ANKS1A: variants seen among roughly 807,000 people sequenced by gnomAD.
ANKS1A encodes the protein ankyrin repeat and SAM domain-containing protein 1A.
ANKS1A carries 55 observed loss-of-function variants against 120.3 expected under a neutral mutation model. That is an observed-to-expected ratio of 0.46 (90% CI 0.37 to 0.57). The LOEUF is 0.57. ANKS1A is among the 20% of genes least tolerant of loss of function. The probability of loss-of-function intolerance (pLI) is 0.00; values close to 1 mark genes in which losing one functional copy is unlikely to be tolerated. For synonymous variants in ANKS1A, 590 were observed against 604.7 expected, an observed-to-expected ratio of 0.98 and a Z score of 0.36; for missense variants, 1,123 against 1,480.3, an observed-to-expected ratio of 0.76 and a Z score of 3.96.
At chr6:34,979,966 AAG>A (rs1398388619) in intron 3 of ANKS1A, among the ~76,000 whole-genome samples, 1 of 152,240 alleles carries the variant, frequency 6.6e-6, no homozygotes, top group Non-Finnish European at 1.5e-5. Flanking sequence ...TGGGTTAAAA[AAG>A]AGAGAAATTG....
rs1275982693 is a variant in ANKS1A at position 35,050,393 on chromosome 6, T to C, written c.2011-3706T>C. Among the ~76,000 whole-genome samples, 1 of 152,192 alleles carries C rather than the reference T, an allele frequency of 6.6e-6. No individual in the cohort carries two copies. Among genetic ancestry groups the C allele is most frequent in the Non-Finnish European group, 1.5e-5 (1 of 68,034 alleles). Reference sequence around the variant, plus strand: ...GCCATTTCTCATCTCTCTCCAAAAATGTCACTCATCCAAAACCACAGAAAA... The same window carrying C: ...GCCATTTCTCATCTCTCTCCAAAAACGTCACTCATCCAAAACCACAGAAAA... On this transcript the variant is annotated intron_variant, in intron 11 of 23. Coordinates refer to ENST00000360359, the MANE Select transcript of ANKS1A (RefSeq NM_015245.3). This position sits in a 1 kb window ranked among gnomAD's most constrained non-coding sequence, Gnocchi z 4.3.
chr6:35,087,664 T>C (rs1424908915), intron 23 of ANKS1A, among the ~76,000 whole-genome samples: 1 of 152,228 alleles, frequency 6.6e-6, no homozygotes, highest in Non-Finnish European at 1.5e-5. Context: ...GCTAGGCCCT[T>C]GTGAGACCTT....
At chr6:35,016,764 C>CAAAAA (rs145185965) in intron 10 of ANKS1A, among the ~76,000 whole-genome samples, 1 of 131,712 alleles carries the variant, frequency 7.6e-6, no homozygotes, top group African/African-American at 3.3e-5. Context: ...TGCACATTCT[C>CAAAAA]AAAAAAAAAA....
intron 12 of ANKS1A, among the ~76,000 whole-genome samples, chr6:35,059,837 C>T (rs548284502): frequency 1.3e-5 from 2 of 152,264 alleles, no homozygotes; most frequent in Admixed American, 6.5e-5. Flanking sequence ...TGGCTTCCCC[C>T]ACCCCCGACC....
At chr6:34,891,096 A>G (rs1353030681) in intron 1 of ANKS1A, among the ~76,000 whole-genome samples, 1 of 152,218 alleles carries the variant, frequency 6.6e-6, no homozygotes, top group African/African-American at 2.4e-5. Context: ...GACATCATTT[A>G]GGGATGGAGT....
intron 1 of ANKS1A, among the ~76,000 whole-genome samples, chr6:34,945,987 T>A (rs861039): frequency 0.27 from 36,897 of 134,700 alleles, 6,656 homozygotes; most frequent in African/African-American, 0.53. Context: ...TTATTTATTT[T>A]TTTTTTTTTT....
At chr6:34,950,744 A>G (rs1770054304) in intron 1 of ANKS1A, among the ~76,000 whole-genome samples, 2 of 151,138 alleles carry the variant, frequency 1.3e-5, no homozygotes, top group East Asian at 3.9e-4. Flanking sequence ...TTAGACATCA[A>G]CAGTGGAGGA....
Position 35,050,675 on chromosome 6 carries a change from G to A in ANKS1A, c.2011-3424G>A, listed in dbSNP as rs1775923341. 6.6e-6 allele frequency among the ~76,000 whole-genome samples: 1 copy of A among 152,214 alleles called. No individual in the cohort carries two copies. The highest frequency in any genetic ancestry group is 6.5e-5 in the Admixed American group (1 of 15,286). On this transcript the variant is annotated intron_variant, in intron 11 of 23. Transcript: ENST00000360359. The surrounding 1 kb of genome is among the most constrained non-coding windows in gnomAD (Gnocchi z 4.3). Reference sequence around the variant, plus strand: ...AGTCTGAGGCAAGGAGAGAAGATGAGCTCCGGCTTCTCCCCATCTGCACAG... The same window carrying A: ...AGTCTGAGGCAAGGAGAGAAGATGAACTCCGGCTTCTCCCCATCTGCACAG...
At chr6:35,018,590 A>G (rs1450667231) in intron 11 of ANKS1A, among the ~76,000 whole-genome samples, 1 of 152,006 alleles carries the variant, frequency 6.6e-6, no homozygotes, top group Non-Finnish European at 1.5e-5. Flanking sequence ...GGTTTGTTAC[A>G]TGGGTATATT....
In ANKS1A at chr6:35,084,695, G is replaced by T. The variant is rs563506396; in HGVS notation, c.3132+437G>T. Among the ~76,000 whole-genome samples, 156 of 152,212 alleles carry T rather than the reference G, an allele frequency of 1.0e-3. No individual in the cohort carries two copies. Among genetic ancestry groups the T allele is most frequent in the African/African-American group, 3.0e-3 (125 of 41,536 alleles). On this transcript the variant is annotated intron_variant, in intron 21 of 23. Coordinates refer to ENST00000360359, the MANE Select transcript of ANKS1A (RefSeq NM_015245.3). This position sits in a 1 kb window ranked among gnomAD's most constrained non-coding sequence, Gnocchi z 4.8. ...TTGTTTCCCCCGGCTCCCTGCCCTAGGTCTCCAACCTCTGGCTGGGCCGCC... is the reference window on the plus strand; with the variant it reads ...TTGTTTCCCCCGGCTCCCTGCCCTATGTCTCCAACCTCTGGCTGGGCCGCC...
intron 10 of ANKS1A, among the ~76,000 whole-genome samples, chr6:34,998,419 A>G (rs1253377141): frequency 6.6e-6 from 1 of 152,134 alleles, no homozygotes; most frequent in African/African-American, 2.4e-5. Flanking sequence ...AAGAGAAGCA[A>G]AACTAAAGGC....
chr6:35,072,624 T>C (rs935321002), intron 13 of ANKS1A, among the ~76,000 whole-genome samples: 2 of 152,182 alleles, frequency 1.3e-5, no homozygotes, highest in African/African-American at 4.8e-5. Flanking sequence ...TTCTCCCTTA[T>C]TGGAGGCCCT....
chr6:35,080,085 C>T (rs1777594095), intron 16 of ANKS1A, among the ~76,000 whole-genome samples, 157 bp downstream of exon 16: 1 of 152,128 alleles, frequency 6.6e-6, no homozygotes. Flanking sequence ...TAGAGAAGTT[C>T]CCCGCCACCT....
At chr6:34,923,105 A>G (rs1394441570) in intron 1 of ANKS1A, among the ~76,000 whole-genome samples, 1 of 152,198 alleles carries the variant, frequency 6.6e-6, no homozygotes. Flanking sequence ...TGGTGAGAGG[A>G]AAGGTTGCCC....
In ANKS1A at chr6:34,889,518, G is replaced by T; in HGVS notation, c.116G>T (p.Gly39Val). 1 of 1,274,112 alleles carries T rather than the reference G, an allele frequency of 7.8e-7. No homozygotes were observed. Among genetic ancestry groups the T allele is most frequent in the Non-Finnish European group, 9.8e-7 (1 of 1,019,676 alleles). The allele number at this position is 1,274,112 out of a possible 1,614,324, so 78.9% of individuals were successfully genotyped here. A position where few individuals can be genotyped will look rare whatever the true frequency, so the allele number is the denominator to read the frequency against. ...SSGFGGGGGG[G>V]SGGGGGGSGG... ...GGCTTTGGGGGCGGCGGCGGCGGTGGCTCTGGGGGCGGCGGCGGCGGCAGC... is the reference window on the plus strand; with the variant it reads ...GGCTTTGGGGGCGGCGGCGGCGGTGTCTCTGGGGGCGGCGGCGGCGGCAGC... Residue 39 changes from glycine to valine, a missense_variant, in exon 1 of 24, where the codon GGC (glycine) becomes GTC (valine). Gly to Val is a moderately radical substitution (Grantham distance 109). Around this residue, in one of 3 missense-constraint regions of ANKS1A, gnomAD observed 73 missense variants for 82.2 expected, o/e 0.89. Transcript: ENST00000360359. The surrounding 1 kb of genome is among the most constrained non-coding windows in gnomAD (Gnocchi z 5.5).
intron 10 of ANKS1A, among the ~76,000 whole-genome samples, chr6:35,016,779 A>G (rs72896240): frequency 1.1e-3 from 152 of 133,966 alleles, no homozygotes; most frequent in Middle Eastern, 4.0e-3. Flanking sequence ...AAAAAAAAAA[A>G]AAAGAGAGAG....
At chr6:34,970,822 C>T (rs907773518) in intron 3 of ANKS1A, among the ~76,000 whole-genome samples, 3 of 151,766 alleles carry the variant, frequency 2.0e-5, no homozygotes. Flanking sequence ...GGAGCCCCAA[C>T]CCCCCAGGCC....
At chr6:35,088,473 C>T in intron 23 of ANKS1A, 133 bp from the exon 24 acceptor site, 3 of 1,152,940 alleles carry the variant, frequency 2.6e-6, no homozygotes, top group African/African-American at 1.5e-5. Context: ...GTGCTCAAAG[C>T]AGGCATGGAG....
At chr6:34,934,597 A>C (rs1393159162) in intron 1 of ANKS1A, among the ~76,000 whole-genome samples, 1 of 152,230 alleles carries the variant, frequency 6.6e-6, no homozygotes, top group African/African-American at 2.4e-5. Context: ...TTGAAGTTAC[A>C]TATCATTCAG....
Sources: gnomAD v4.1 joint callset for allele counts (sites outside exome capture counted in the v4.1 genomes callset) on GRCh38, gnomAD v4.1.1 for gene constraint, gnomAD v4.1.1 regional missense constraint, Gnocchi (gnomAD v3.1) non-coding constraint, MANE v1.5 for transcripts, NCBI Gene and HGNC (gene_info 2026-07-23, HGNC 2026-07-21) for gene names.